DGLUCY: variants seen among roughly 807,000 people sequenced by gnomAD.
The protein encoded by DGLUCY is D-glutamate cyclase, mitochondrial.
DGLUCY carries 58 observed loss-of-function variants against 58.5 expected under a neutral mutation model. That is an observed-to-expected ratio of 0.99 (90% CI 0.80 to 1.23). DGLUCY has a LOEUF of 1.23. DGLUCY is among the 50% of genes most tolerant of loss of function. The probability of loss-of-function intolerance (pLI) is 0.00; values close to 1 mark genes in which losing one functional copy is unlikely to be tolerated. For missense variants in DGLUCY, 779 were observed against 784.7 expected, an observed-to-expected ratio of 0.99 and a Z score of 0.09; for synonymous variants, 325 against 314.1, an observed-to-expected ratio of 1.03 and a Z score of -0.37.
chr14:91,167,307 T>C lies in DGLUCY; in HGVS notation c.186T>C (p.Pro62=). 6.2e-7 allele frequency: 1 copy of C among 1,614,034 alleles called. No individual in the cohort carries two copies. Among genetic ancestry groups the C allele is most frequent in the South Asian group, 1.1e-5 (1 of 91,064 alleles). ...GATTCTGCCAGGTCAACACTGGTCC[T>C]CTACCCCTGCTGGGCCAGAGTGAGC... is the stretch of plus-strand genomic sequence containing the variant. The part of the protein sequence containing the change: ...FERFCQVNTG[P]LPLLGQSEPE... Residue 62 remains proline (P), a synonymous_variant, in exon 4 of 14, where the codon CCT becomes CCC. Coordinates refer to ENST00000256324, the MANE Select transcript of DGLUCY (RefSeq NM_001102368.3).
At chr14:91,215,208 C>T (rs1002585059) in intron 12 of DGLUCY, among the ~76,000 whole-genome samples, 197 bp from the exon 13 acceptor site, 9 of 152,110 alleles carry the variant, frequency 5.9e-5, no homozygotes, top group Admixed American at 3.3e-4. Context: ...TGTTCCTTTC[C>T]TCTCCTCTCC....
In DGLUCY at chr14:91,224,732, G is replaced by A. The variant is rs377731545; in HGVS notation, c.1765G>A (p.Val589Ile). 62 of 1,613,170 alleles carry A rather than the reference G, an allele frequency of 3.8e-5. 1 individual carries two copies. The Middle Eastern group carries it at 4.9e-4, about 13-fold the overall frequency. ...ILVQHKVRSG[V>I]SGIVGMEVDG... is the part of the protein sequence containing the mutation. ...GGTGCAGCACAAAGTCCGGAGTGGC[G>A]TCTCGGGCATCGTGGGCATGGAGGT... Residue 589 changes from valine to isoleucine, a missense_variant, in exon 14 of 14, where the codon GTC (valine) becomes ATC (isoleucine). Physicochemically the swap from Val to Ile is conservative, Grantham distance 29 (BLOSUM62 3). Transcript: ENST00000256324.
At chr14:91,088,816 G>A (rs2044263823) in intron 1 of DGLUCY, among the ~76,000 whole-genome samples, 1 of 152,226 alleles carries the variant, frequency 6.6e-6, no homozygotes, top group African/African-American at 2.4e-5. Flanking sequence ...CCAACCTGAA[G>A]CCACATGTAT....
At chr14:91,062,213 G>T (rs980265555) in intron 1 of DGLUCY, among the ~76,000 whole-genome samples, 2 of 151,930 alleles carry the variant, frequency 1.3e-5, no homozygotes, top group Non-Finnish European at 2.9e-5. Context: ...TTCATGTATC[G>T]TAATATATTC....
Position 91,170,127 on chromosome 14 carries a change from C to T in DGLUCY, c.382C>T (p.Leu128=), listed in dbSNP as rs1020502782. Residue 128 remains leucine (L), a synonymous_variant, in exon 5 of 14, where the codon CTG becomes TTG. Transcript: ENST00000256324. The stretch of plus-strand genomic sequence containing the variant: ...CTTCTTCCTGGGCTGCAGCTTCTCC[C>T]TGGAGGAGGCCTTGGAGAAAGCGGG... ...VAFFLGCSFS[L]EEALEKAGLP... The T allele has an allele frequency of 3.7e-6, 6 of 1,613,140 alleles. No individual in the cohort carries two copies. Among genetic ancestry groups the T allele is most frequent in the Non-Finnish European group, 5.1e-6 (6 of 1,180,032 alleles).
At chr14:91,161,673 C>T (rs1480092477) in intron 3 of DGLUCY, among the ~76,000 whole-genome samples, 2 of 151,906 alleles carry the variant, frequency 1.3e-5, no homozygotes, top group African/African-American at 2.4e-5. Flanking sequence ...GCTTGCATCA[C>T]ACTTACTAAT....
upstream of DGLUCY, among the ~76,000 whole-genome samples, chr14:91,104,060 T>C (rs1004382232): frequency 3.0e-5 from 2 of 66,792 alleles, no homozygotes; most frequent in African/African-American, 1.2e-4. Flanking sequence ...TTGAAAACAT[T>C]CTTTTTTTTT....
At chr14:91,204,895 A>G in intron 12 of DGLUCY, 70 bp downstream of exon 12, 4 of 1,600,886 alleles carry the variant, frequency 2.5e-6, no homozygotes, top group Non-Finnish European at 2.6e-6. Context: ...GAGCCTGACC[A>G]GGCCAGAAGC....
chr14:91,078,062 T>C (rs949958774), intron 1 of DGLUCY, among the ~76,000 whole-genome samples: 1 of 152,204 alleles, frequency 6.6e-6, no homozygotes, highest in African/African-American at 2.4e-5. Flanking sequence ...AGACAGCTGC[T>C]CTGTCGCCCA....
At chr14:91,196,208 T>C (rs2050196303) in intron 9 of DGLUCY, among the ~76,000 whole-genome samples, 167 bp from the exon 10 acceptor site, 1 of 152,164 alleles carries the variant, frequency 6.6e-6, no homozygotes, top group South Asian at 2.1e-4. Context: ...AAAAGTAAAC[T>C]TAAATATCCT....
chr14:91,161,981 G>A lies in DGLUCY; in HGVS notation c.103+1584G>A, dbSNP rs1486526104. On this transcript the variant is annotated intron_variant, in intron 3 of 13. Transcript: ENST00000256324. ...TTGACGACTGCTTGCTAGGACCCTG[G>A]GAGGCAACAGAGCAGAGCAGCCAGG... Among the ~76,000 whole-genome samples the A allele has an allele frequency of 2.6e-5, 4 of 152,194 alleles. No homozygotes were observed. The East Asian group carries it at 7.7e-4, about 29-fold the overall frequency.
At chr14:91,153,236 G>T (rs1301293873) in intron 1 of DGLUCY, among the ~76,000 whole-genome samples, 1 of 152,264 alleles carries the variant, frequency 6.6e-6, no homozygotes, top group East Asian at 1.9e-4. Flanking sequence ...AGGCTGGAGT[G>T]CAGTGGCGAA....
chr14:91,182,947 TTTTA>T (rs1345967777), intron 8 of DGLUCY, among the ~76,000 whole-genome samples: 6 of 149,538 alleles, frequency 4.0e-5, no homozygotes, highest in South Asian at 2.1e-4. Flanking sequence ...TATTTTATAT[TTTTA>T]TTTATTTTTA....
At chr14:91,067,597 A>T (rs184753790) in intron 1 of DGLUCY, among the ~76,000 whole-genome samples, 1 of 151,564 alleles carries the variant, frequency 6.6e-6, no homozygotes, top group Non-Finnish European at 1.5e-5. Context: ...TCCACAGACC[A>T]GAGTGTAATG....
At chr14:91,100,516 T>G (rs1488557828) in intron 1 of DGLUCY, among the ~76,000 whole-genome samples, 1 of 152,200 alleles carries the variant, frequency 6.6e-6, no homozygotes, top group Non-Finnish European at 1.5e-5. Flanking sequence ...CCAAAACAAC[T>G]TCTCAAGGTG....
intron 1 of DGLUCY, among the ~76,000 whole-genome samples, chr14:91,121,462 G>A (rs975310960): frequency 6.6e-6 from 1 of 152,134 alleles, no homozygotes; most frequent in Non-Finnish European, 1.5e-5. Context: ...GCCGAGGTGG[G>A]TGGATCACCT....
At chr14:91,063,735 C>A (rs1397644619) in intron 1 of DGLUCY, among the ~76,000 whole-genome samples, 1 of 152,208 alleles carries the variant, frequency 6.6e-6, no homozygotes, top group East Asian at 1.9e-4. Flanking sequence ...GGATGAGGTT[C>A]AGGAGGTGGG....
At chr14:91,137,474 C>T (rs536523594) in intron 1 of DGLUCY, among the ~76,000 whole-genome samples, 6 of 152,072 alleles carry the variant, frequency 3.9e-5, no homozygotes, top group African/African-American at 1.2e-4. Context: ...CAACCTCCAC[C>T]TTCCAGGTTC....
chr14:91,068,271 A>C (rs1482027378), intron 1 of DGLUCY, among the ~76,000 whole-genome samples: 2 of 152,220 alleles, frequency 1.3e-5, no homozygotes, highest in African/African-American at 2.4e-5. Flanking sequence ...GGGAAGATTC[A>C]AGTTTAAGAT....
Sources: allele counts gnomAD v4.1 joint callset (sites outside exome capture counted in the v4.1 genomes callset), GRCh38; gene constraint gnomAD v4.1.1; transcripts MANE v1.5; gene names NCBI Gene and HGNC (gene_info 2026-07-23, HGNC 2026-07-21).